The following PLXNA4 variants were observed in gnomAD, a reference collection of about 807,000 sequenced individuals.
PLXNA4 encodes plexin-A4.
Under a neutral mutation model 191.8 loss-of-function variants are expected in PLXNA4, and 44 were observed. The observed-to-expected ratio is 0.23, with a 90% CI of 0.18 to 0.29. The LOEUF is 0.29. PLXNA4 is among the 10% of genes least tolerant of loss of function. PLXNA4 has a pLI of 1.00. For synonymous variants in PLXNA4, 1,082 were observed against 1,009.5 expected (o/e 1.07, Z -1.36); for missense variants, 1,800 against 2,488.8 (o/e 0.72, Z 5.89).
chr7:132,294,185 G>A (rs1800992838), intron 4 of PLXNA4, among the ~76,000 whole-genome samples: 1 of 152,226 alleles, frequency 6.6e-6, no homozygotes, highest in Non-Finnish European at 1.5e-5. Context: ...AGGCAATCTA[G>A]AGTTTTACCT....
At chr7:132,162,533 A>G (rs752979316) in intron 24 of PLXNA4, among the ~76,000 whole-genome samples, 1 of 152,210 alleles carries the variant, frequency 6.6e-6, no homozygotes, top group Non-Finnish European at 1.5e-5. Context: ...GAGGGTGCTG[A>G]GGAGACAGGA....
rs1351740786 is a variant in PLXNA4, at chr7:132,176,712, ATG to A, written c.3875-1794_3875-1793del. Reference sequence around the variant, plus strand: ...AATGTGAGTGCATGGATGTGAATGAATGTATGTCAATGAGTGTGTATGTGTGT... The same window carrying A: ...AATGTGAGTGCATGGATGTGAATGAATATGTCAATGAGTGTGTATGTGTGT... On this transcript the variant is annotated intron_variant, in intron 20 of 31. Transcript: ENST00000321063. Among the ~76,000 whole-genome samples, 4 of 149,644 alleles carry A rather than the reference ATG, an allele frequency of 2.7e-5. No individual in the cohort carries two copies. In the East Asian group the frequency reaches 8.0e-4, roughly 30 times the overall value.
At chr7:132,427,927 C>A (rs766246601) in intron 3 of PLXNA4, among the ~76,000 whole-genome samples, 2 of 152,194 alleles carry the variant, frequency 1.3e-5, no homozygotes, top group African/African-American at 2.4e-5. Flanking sequence ...GCAGGGAGAA[C>A]GTGTGCATAA....
chr7:132,479,003 C>T (rs1025664496), intron 3 of PLXNA4, among the ~76,000 whole-genome samples: 1 of 152,154 alleles, frequency 6.6e-6, no homozygotes, highest in Non-Finnish European at 1.5e-5. Flanking sequence ...CATGGTAGCT[C>T]ATACCTGTAA....
At chr7:132,306,159 G>A (rs1801513899) in intron 3 of PLXNA4, among the ~76,000 whole-genome samples, 1 of 152,182 alleles carries the variant, frequency 6.6e-6, no homozygotes. Flanking sequence ...CTTGTGCGGA[G>A]GCGCCCCATA....
At chr7:132,358,309 A>T (rs1803794044) in intron 3 of PLXNA4, among the ~76,000 whole-genome samples, 1 of 152,244 alleles carries the variant, frequency 6.6e-6, no homozygotes, top group Admixed American at 6.5e-5. Context: ...TGGAGGTTCA[A>T]GTTCACTTGT....
At chr7:132,615,798 C>T (rs1803141743) in intron 2 of PLXNA4, among the ~76,000 whole-genome samples, 1 of 151,830 alleles carries the variant, frequency 6.6e-6, no homozygotes, top group Non-Finnish European at 1.5e-5. Flanking sequence ...CACACTCATG[C>T]ACATGCACAC....
intron 1 of PLXNA4, among the ~76,000 whole-genome samples, chr7:132,543,107 T>C (rs979043337): frequency 2.6e-5 from 4 of 152,246 alleles, no homozygotes; most frequent in African/African-American, 9.6e-5. Context: ...ATACAATGAC[T>C]AGGATAAGGT....
At chr7:132,563,130 C>A (rs368199664) in intron 1 of PLXNA4, among the ~76,000 whole-genome samples, 1 of 103,316 alleles carries the variant, frequency 9.7e-6, no homozygotes, top group Non-Finnish European at 2.1e-5. Context: ...CCTTCTCCTC[C>A]TCCTCCTTCT....
At chr7:132,372,327 A>G (rs1804474573) in intron 3 of PLXNA4, among the ~76,000 whole-genome samples, 1 of 152,266 alleles carries the variant, frequency 6.6e-6, no homozygotes. Flanking sequence ...ATTTTCCCAG[A>G]ATAAACTGTA....
intron 9 of PLXNA4, among the ~76,000 whole-genome samples, chr7:132,219,507 T>C (rs1798074574): frequency 3.3e-5 from 5 of 152,122 alleles, no homozygotes; most frequent in Admixed American, 3.3e-4. Flanking sequence ...ATGCCTTGAG[T>C]ATGGTTGAAA....
At chr7:132,417,484 A>G (rs923962970) in intron 3 of PLXNA4, among the ~76,000 whole-genome samples, 1 of 152,214 alleles carries the variant, frequency 6.6e-6, no homozygotes, top group South Asian at 2.1e-4. Context: ...TTTGTCCAGT[A>G]GATAAGGAAT....
chr7:132,458,631 G>A lies in PLXNA4; in HGVS notation c.1371+30661C>T, dbSNP rs77926985. ...AGCAGGCAAAGCACATCTGTGCCAT[G>A]AGAGGTCAGGATGGTGGCTGTCCCT... On this transcript the variant is annotated intron_variant, in intron 3 of 31. Coordinates refer to ENST00000321063, the MANE Select transcript of PLXNA4 (RefSeq NM_020911.2). Among the ~76,000 whole-genome samples the A allele has an allele frequency of 3.8e-4, 58 of 151,796 alleles. No homozygotes were observed. The East Asian group carries it at 0.011, about 29-fold the overall frequency.
chr7:132,378,621 C>T (rs908105562), intron 3 of PLXNA4, among the ~76,000 whole-genome samples: 11 of 152,148 alleles, frequency 7.2e-5, no homozygotes, highest in Admixed American at 2.0e-4. Flanking sequence ...TGATTAACTT[C>T]CTCCTGTCAT....
chr7:132,391,991 G>A (rs531509583), intron 3 of PLXNA4, among the ~76,000 whole-genome samples: 370 of 152,220 alleles, frequency 2.4e-3, no homozygotes, highest in African/African-American at 7.3e-3. Context: ...AGCCAGGCAC[G>A]GTGGCAGGTA....
At chr7:132,192,628 C>T (rs1483003853) in intron 14 of PLXNA4, among the ~76,000 whole-genome samples, 3 of 152,088 alleles carry the variant, frequency 2.0e-5, no homozygotes, top group Non-Finnish European at 4.4e-5. Context: ...TTTCAGGGCA[C>T]ATGATGGCCA....
chr7:132,614,723 A>G (rs1185505495), intron 2 of PLXNA4, among the ~76,000 whole-genome samples: 2 of 152,232 alleles, frequency 1.3e-5, no homozygotes, highest in Non-Finnish European at 2.9e-5. Context: ...AGAAATTTCC[A>G]AGAAATTTGG....
rs1490295554 is a variant in PLXNA4, at chr7:132,206,604, G to T, written c.2299-3185C>A. On this transcript the variant is annotated intron_variant, in intron 10 of 31. Transcript: ENST00000321063. ...GGATCTAATGACTATTAGAGAAATC[G>T]TTAACCCCATGTGCTCCCCCTCAGC... Among the ~76,000 whole-genome samples, 3 of 152,008 alleles carry T rather than the reference G, an allele frequency of 2.0e-5. No individual in the cohort carries two copies. In the East Asian group the frequency reaches 5.8e-4, roughly 29 times the overall value.
chr7:132,450,183 C>T (rs142972038), intron 3 of PLXNA4, among the ~76,000 whole-genome samples: 2 of 152,170 alleles, frequency 1.3e-5, no homozygotes, highest in Non-Finnish European at 1.5e-5. Flanking sequence ...GAGATGGGAT[C>T]GGGATGTAGG....
Sources: allele counts gnomAD v4.1 joint callset (sites outside exome capture counted in the v4.1 genomes callset), GRCh38; gene constraint gnomAD v4.1.1; transcripts MANE v1.5; gene names NCBI Gene and HGNC (gene_info 2026-07-23, HGNC 2026-07-21).